MEX3D: variants seen among roughly 807,000 people sequenced by gnomAD.
MEX3D encodes the protein mex-3 RNA binding family member D.
MEX3D carries 4 observed loss-of-function variants against 6.3 expected under a neutral mutation model. The ratio of observed to expected loss-of-function variants is 0.64; its 90% CI spans 0.31 to 1.46. MEX3D has a LOEUF of 1.46. MEX3D is among the 40% of genes most tolerant of loss of function. The pLI is 0.07. For missense variants in MEX3D, 1,038 were observed against 994.4 expected (o/e 1.04, Z -0.59); for synonymous variants, 626 against 494.1 (o/e 1.27, Z -3.54).
In MEX3D at chr19:1,556,748, G is replaced by A. The variant is rs766076502; in HGVS notation, c.771C>T (p.Ala257=). 5.6e-6 allele frequency: 9 copies of A among 1,612,038 alleles called. No homozygotes were observed. Among genetic ancestry groups the A allele is most frequent in the Middle Eastern group, 1.6e-4 (1 of 6,084 alleles). The change falls in exon 2 of 2, where the codon GCC becomes GCT. Residue 257 remains alanine, a synonymous_variant. Coordinates refer to ENST00000402693, the MANE Select transcript of MEX3D (RefSeq NM_203304.4). This position sits in a 1 kb window ranked among gnomAD's most constrained non-coding sequence, Gnocchi z 7.5. ...CCTGGGCGGCGCCGGGCAGACCCCC[G>A]GCCTTGCTGCGCGTGGCGCGGATGA... The part of the protein sequence containing the change: ...FSIIRATRSK[A]GGLPGAAQGP...
chr19:1,566,020 G>C (rs917904791), intron 1 of MEX3D, among the ~76,000 whole-genome samples: 3 of 152,328 alleles, frequency 2.0e-5, no homozygotes, highest in African/African-American at 7.2e-5. Flanking sequence ...CCCAGGCCTC[G>C]GCTTGGACGC....
chr19:1,562,118 G>A lies in MEX3D; in HGVS notation c.596-5195C>T, dbSNP rs532558877. The stretch of plus-strand genomic sequence containing the variant: ...CTACTAAAAATACAAAAAATTAGCC[G>A]GGTGTGGTGGTGGGCGCCTGTAGTC... On this transcript the variant is annotated intron_variant, in intron 1 of 1. Transcript: ENST00000402693. Among the ~76,000 whole-genome samples, 57 of 152,076 alleles carry A rather than the reference G, an allele frequency of 3.7e-4. 1 individual carries two copies. Among genetic ancestry groups the A allele is most frequent in the Admixed American group, 1.0e-3 (16 of 15,278 alleles).
rs61749995 is a variant in MEX3D at position 1,555,965 on chromosome 19, G to C, written c.1554C>G (p.Pro518=). 4 of 1,168,776 alleles carry C rather than the reference G, an allele frequency of 3.4e-6. No individual in the cohort carries two copies. Among genetic ancestry groups the C allele is most frequent in the African/African-American group, 3.3e-5 (2 of 60,698 alleles). 72.4% of individuals were successfully genotyped at this position (1,168,776 alleles called of 1,614,324 possible). A position where few individuals can be genotyped will look rare whatever the true frequency, so the allele number is the denominator to read the frequency against. Residue 518 remains proline, a synonymous_variant, in exon 2 of 2, where the codon CCC becomes CCG. Coordinates refer to ENST00000402693, the MANE Select transcript of MEX3D (RefSeq NM_203304.4). ...GCTCCAGGCGGAGGCCGCCGGGCTC[G>C]GGCAGCGTGGGCGAGTGGCGGGGGG... The part of the protein sequence containing the change: ...AGTPRHSPTL[P]EPGGLRLELP...
Position 1,555,810 on chromosome 19 carries a change from G to T in MEX3D, c.1709C>A (p.Ala570Asp). 1.5e-6 allele frequency: 2 copies of T among 1,377,100 alleles called. No homozygotes were observed. The highest frequency in any genetic ancestry group is 2.6e-4 in the Middle Eastern group (1 of 3,782). 85.3% of individuals were successfully genotyped at this position (1,377,100 alleles called of 1,614,324 possible). ...TATSLPSSPA[A>D]AACAPLDSGA... The stretch of plus-strand genomic sequence containing the variant: ...GGAGTCCAGGGGGGCGCAGGCGGCG[G>T]CCGCGGGGCTGCTGGGCAGCGAGGT... The change falls in exon 2 of 2, where the codon GCC becomes GAC. Residue 570 changes from alanine to aspartate, a missense_variant. Around this residue, in one of 5 missense-constraint regions of MEX3D, gnomAD observed 581 missense variants for 516.2 expected, o/e 1.13. Coordinates refer to ENST00000402693, the MANE Select transcript of MEX3D (RefSeq NM_203304.4).
intron 1 of MEX3D, among the ~76,000 whole-genome samples, chr19:1,565,788 G>A (rs1914824344): frequency 6.6e-6 from 1 of 152,166 alleles, no homozygotes; most frequent in African/African-American, 2.4e-5. Flanking sequence ...GCTGAGCCTG[G>A]TGCCCACAGA....
chr19:1,564,269 AC>A (rs1466794418), intron 1 of MEX3D, among the ~76,000 whole-genome samples: 1 of 151,908 alleles, frequency 6.6e-6, no homozygotes, highest in East Asian at 1.9e-4. Flanking sequence ...GCAGTGGCTC[AC>A]ACCTGTAGTC....
At position 1,556,455 on chromosome 19, in the gene MEX3D, T is replaced by G; in HGVS notation, c.1064A>C (p.His355Pro). 1 of 1,598,890 alleles carries G rather than the reference T, an allele frequency of 6.3e-7. No homozygotes were observed. The highest frequency in any genetic ancestry group is 8.5e-7 in the Non-Finnish European group (1 of 1,177,654). ...CAGGCAGACGTCGGTGCCGTTGGCG[T>G]GGAAGTCGCTGTCGGGGCCCGCGTC... ...FTDAGPDSDF[H>P]ANGTDVCLDL... Residue 355 changes from histidine (H) to proline (P), a missense_variant, in exon 2 of 2, where the codon CAC becomes CCC. His to Pro is a moderately conservative substitution (Grantham distance 77). Around this residue, in one of 5 missense-constraint regions of MEX3D, gnomAD observed 581 missense variants for 516.2 expected, o/e 1.13. Transcript: ENST00000402693. This position sits in a 1 kb window ranked among gnomAD's most constrained non-coding sequence, Gnocchi z 7.5.
chr19:1,556,774 T>C lies in MEX3D; in HGVS notation c.745A>G (p.Ile249Val), dbSNP rs950250884. The change falls in exon 2 of 2, where the codon ATC (isoleucine) becomes GTC (valine). Residue 249 changes from isoleucine to valine, a missense_variant. Ile to Val is a conservative substitution (Grantham distance 29). Coordinates refer to ENST00000402693, the MANE Select transcript of MEX3D (RefSeq NM_203304.4). The surrounding 1 kb of genome is among the most constrained non-coding windows in gnomAD (Gnocchi z 7.5). ...GCCTTGCTGCGCGTGGCGCGGATGA[T>C]GGAGAAGTGTTCGGCCGCCGACAGG... ...EILSAAEHFS[I>V]IRATRSKAGG... The C allele has an allele frequency of 1.9e-6, 3 of 1,612,496 alleles. No homozygotes were observed. The highest frequency in any genetic ancestry group is 2.5e-6 in the Non-Finnish European group (3 of 1,179,752).
At chr19:1,566,679 C>T (rs938138936) in intron 1 of MEX3D, among the ~76,000 whole-genome samples, 2 of 152,054 alleles carry the variant, frequency 1.3e-5, no homozygotes, top group Non-Finnish European at 2.9e-5. Context: ...GCCCACCACC[C>T]GCCCGCCCGC....
At position 1,567,437 on chromosome 19, in the gene MEX3D, C is replaced by T. The variant is rs745395302; in HGVS notation, c.595+27G>A. ...GCGGACGGTGCGGGGACCCCCAGGA[C>T]AGCAACCCCCGACGAGGGCCACTCA... is the stretch of plus-strand genomic sequence containing the variant. On this transcript the variant is annotated intron_variant, in intron 1 of 1. Coordinates refer to ENST00000402693, the MANE Select transcript of MEX3D (RefSeq NM_203304.4). This position sits in a 1 kb window ranked among gnomAD's most constrained non-coding sequence, Gnocchi z 6.5. 1.4e-5 allele frequency: 22 copies of T among 1,551,036 alleles called. 1 individual carries two copies. Among genetic ancestry groups the T allele is most frequent in the Middle Eastern group, 4.3e-4 (2 of 4,646 alleles).
intron 1 of MEX3D, among the ~76,000 whole-genome samples, chr19:1,560,432 C>T (rs1364778439): frequency 6.6e-6 from 1 of 152,226 alleles, no homozygotes; most frequent in African/African-American, 2.4e-5. Context: ...AGCCCGCCAG[C>T]GTTGCCAGGG....
Position 1,555,499 on chromosome 19 carries a change from G to GCCCCGTCTCCCGCGCCCACCCCTGGC in MEX3D, c.*38_*63dup, listed in dbSNP as rs1914502745. 2.5e-6 allele frequency: 3 copies of GCCCCGTCTCCCGCGCCCACCCCTGGC among 1,191,846 alleles called. No homozygotes were observed. The African/African-American group carries it at 5.1e-5, about 20-fold the overall frequency. 73.8% of individuals were successfully genotyped at this position (1,191,846 alleles called of 1,614,324 possible). ...CCGTCCCTCTCCCACCCCGGGTCCC[G>GCCCCGTCTCCCGCGCCCACCCCTGGC]CCCCGTCTCCCGCGCCCACCCCTGG... On this transcript the variant is annotated 3_prime_UTR_variant, in exon 2 of 2. Transcript: ENST00000402693.
Position 1,556,439 on chromosome 19 carries a change from G to A in MEX3D, c.1080C>T (p.Asp360=), listed in dbSNP as rs1914563633. The A allele has an allele frequency of 6.3e-7, 1 of 1,596,598 alleles. No homozygotes were observed. Among genetic ancestry groups the A allele is most frequent in the Non-Finnish European group, 8.5e-7 (1 of 1,177,230 alleles). ...CCGCCCCGAGCAGGTCCAGGCAGAC[G>A]TCGGTGCCGTTGGCGTGGAAGTCGC... ...PDSDFHANGT[D]VCLDLLGAAA... The change falls in exon 2 of 2, where the codon GAC becomes GAT. Residue 360 remains aspartate (D), a synonymous_variant. Coordinates refer to ENST00000402693, the MANE Select transcript of MEX3D (RefSeq NM_203304.4). This position sits in a 1 kb window ranked among gnomAD's most constrained non-coding sequence, Gnocchi z 7.5.
chr19:1,555,585 T>C lies in MEX3D; in HGVS notation c.1934A>G (p.Gln645Arg), dbSNP rs11557271. Residue 645 changes from glutamine to arginine, a missense_variant, in exon 2 of 2, where the codon CAG becomes CGG. This residue lies in a region of MEX3D where 581 missense variants were observed against 516.2 expected (regional missense o/e 1.13). Transcript: ENST00000402693. ...ECPACRTPAT[Q>R]AIHIFS ...GCTCTAGGAAAAGATATGAATGGCC[T>C]GGGTGGCCGGCGTGCGGCAGGCGGG... The C allele has an allele frequency of 2.5e-6, 4 of 1,587,416 alleles. No homozygotes were observed. Among genetic ancestry groups the C allele is most frequent in the Non-Finnish European group, 3.4e-6 (4 of 1,168,900 alleles).
In MEX3D at chr19:1,568,265, T is replaced by TGCGGCTCGGCGGCGGCGGCGACGGCGGCG. The variant is rs1914909445; in HGVS notation, c.-236_-208dup. 7.5e-6 allele frequency among the ~76,000 whole-genome samples: 1 copy of TGCGGCTCGGCGGCGGCGGCGACGGCGGCG among 132,870 alleles called. No individual in the cohort carries two copies. The highest frequency in any genetic ancestry group is 1.6e-5 in the Non-Finnish European group (1 of 61,480). The allele number at this position is 132,870 out of a possible 152,430, so 87.2% of individuals were successfully genotyped here. On this transcript the variant is annotated 5_prime_UTR_variant, in exon 1 of 2. Coordinates refer to ENST00000402693, the MANE Select transcript of MEX3D (RefSeq NM_203304.4). ...GCCGGGCGGCGGCAGCGACTCTGGCTGCGGCTCGGCGGCGGCGGCGACGGC... is the reference window on the plus strand; with the variant it reads ...GCCGGGCGGCGGCAGCGACTCTGGCTGCGGCTCGGCGGCGGCGGCGACGGCGGCGGCGGCTCGGCGGCGGCGGCGACGGC...
chr19:1,556,982 C>T lies in MEX3D; in HGVS notation c.596-59G>A. 2.6e-6 allele frequency: 4 copies of T among 1,519,772 alleles called. No individual in the cohort carries two copies. The highest frequency in any genetic ancestry group is 1.3e-5 in the South Asian group (1 of 78,128). The allele number at this position is 1,519,772 out of a possible 1,614,324, so 94.1% of individuals were successfully genotyped here. A position where few individuals can be genotyped will look rare whatever the true frequency, so the allele number is the denominator to read the frequency against. On this transcript the variant is annotated intron_variant, in intron 1 of 1. Coordinates refer to ENST00000402693, the MANE Select transcript of MEX3D (RefSeq NM_203304.4). This position sits in a 1 kb window ranked among gnomAD's most constrained non-coding sequence, Gnocchi z 7.5. ...CAGAGCCCCCTGCGCAGCTCAGCCC[C>T]GCTGGGCATGCAGGCTGCAGGGCCA...
In MEX3D at chr19:1,555,458, G is replaced by GCCCCTCGC; in HGVS notation, c.*97_*104dup. On this transcript the variant is annotated 3_prime_UTR_variant, in exon 2 of 2. Transcript: ENST00000402693. ...CCACCCCCCTGCCCCCTCGGCCTCC[G>GCCCCTCGC]CCCCTCGCCCCCTCCCCGTCCCTCT... 9 of 682,556 alleles carry GCCCCTCGC rather than the reference G, an allele frequency of 1.3e-5. No homozygotes were observed. The highest frequency in any genetic ancestry group is 1.8e-5 in the Non-Finnish European group (9 of 508,834). The allele number at this position is 682,556 out of a possible 1,614,324, so 42.3% of individuals were successfully genotyped here. A position where few individuals can be genotyped will look rare whatever the true frequency, so the allele number is the denominator to read the frequency against.
intron 1 of MEX3D, among the ~76,000 whole-genome samples, chr19:1,560,018 G>A (rs1270587839): frequency 1.3e-5 from 2 of 152,230 alleles, no homozygotes; most frequent in Non-Finnish European, 2.9e-5. Context: ...GGTTGGGCCT[G>A]CTCTTCTGAG....
At chr19:1,563,373 C>T (rs1420081158) in intron 1 of MEX3D, among the ~76,000 whole-genome samples, 2 of 152,162 alleles carry the variant, frequency 1.3e-5, no homozygotes, top group South Asian at 2.1e-4. Flanking sequence ...AGAGAGCGAG[C>T]CCTGAGCAGC....
Sources: gnomAD v4.1 joint callset for allele counts (sites outside exome capture counted in the v4.1 genomes callset) on GRCh38, gnomAD v4.1.1 for gene constraint, gnomAD v4.1.1 regional missense constraint, Gnocchi (gnomAD v3.1) non-coding constraint, MANE v1.5 for transcripts, NCBI Gene and HGNC (gene_info 2026-07-23, HGNC 2026-07-21) for gene names.